NRP2: variants seen among roughly 807,000 people sequenced by gnomAD.
The protein encoded by NRP2 is neuropilin 2, also known as neuropilin-2.
Under a neutral mutation model 110.4 loss-of-function variants are expected in NRP2, and 52 were observed. That is an observed-to-expected ratio of 0.47 (90% CI 0.38 to 0.59). NRP2 has a LOEUF of 0.59. Ranked by LOEUF, NRP2 falls within the 20% of genes least tolerant of loss-of-function variation. The pLI is 0.00. For missense variants in NRP2, 1,049 were observed against 1,203.0 expected (o/e 0.87, Z 1.89); for synonymous variants, 508 against 468.9 (o/e 1.08, Z -1.08).
At chr2:205,773,490 A>G (rs1575664136) in intron 15 of NRP2, among the ~76,000 whole-genome samples, 1 of 152,252 alleles carries the variant, frequency 6.6e-6, no homozygotes, top group Non-Finnish European at 1.5e-5. Context: ...CATGTTGATA[A>G]TTTCAGGGGA....
At chr2:205,780,268 A>C (rs1448123339) in intron 15 of NRP2, among the ~76,000 whole-genome samples, 1 of 152,240 alleles carries the variant, frequency 6.6e-6, no homozygotes, top group Non-Finnish European at 1.5e-5. Context: ...TCATTTTTGA[A>C]CAGGTAATGA....
chr2:205,730,311 C>A (rs1370739071), intron 7 of NRP2, among the ~76,000 whole-genome samples: 1 of 151,732 alleles, frequency 6.6e-6, no homozygotes, highest in Non-Finnish European at 1.5e-5. Flanking sequence ...GTGAACCGTG[C>A]CAAATAGATT....
At chr2:205,737,287 G>T (rs775226087) in intron 7 of NRP2, among the ~76,000 whole-genome samples, 7 of 152,214 alleles carry the variant, frequency 4.6e-5, no homozygotes, top group Non-Finnish European at 1.0e-4. Flanking sequence ...GGTAACTAAA[G>T]TGCCCTGTTG....
Position 205,795,119 on chromosome 2 carries a change from C to A in NRP2, c.*61C>A, listed in dbSNP as rs138943825. On this transcript the variant is annotated 3_prime_UTR_variant, in exon 17 of 17. Coordinates refer to ENST00000357785, the MANE Select transcript of NRP2 (RefSeq NM_003872.3). ...CAGCAAGAGGGGCTGGGGAAGATTA[C>A]ATTTTTTTTTCCTTTGGAAACTGAA... The A allele has an allele frequency of 6.7e-6, 10 of 1,488,466 alleles. No individual in the cohort carries two copies. The East Asian group carries it at 1.9e-4, about 28-fold the overall frequency. The allele number at this position is 1,488,466 out of a possible 1,614,324, so 92.2% of individuals were successfully genotyped here.
chr2:205,741,167 A>C (rs1394338225), intron 8 of NRP2, among the ~76,000 whole-genome samples: 1 of 152,260 alleles, frequency 6.6e-6, no homozygotes, highest in Non-Finnish European at 1.5e-5. Context: ...CTGTGTGGGC[A>C]TATGGACAAG....
At chr2:205,739,671 T>A (rs1371216043) in intron 7 of NRP2, among the ~76,000 whole-genome samples, 2 of 149,590 alleles carry the variant, frequency 1.3e-5, no homozygotes, top group African/African-American at 4.9e-5. Context: ...ACATATACTT[T>A]GCTCTAGTTA....
intron 11 of NRP2, chr2:205,752,399 A>G (rs940405754): frequency 1.8e-5 from 5 of 280,956 alleles, no homozygotes; most frequent in African/African-American, 1.1e-4. Context: ...CTGGATGCTA[A>G]TGGGCTGCCC....
chr2:205,736,152 G>A (rs994138817), intron 7 of NRP2, among the ~76,000 whole-genome samples: 12 of 152,046 alleles, frequency 7.9e-5, no homozygotes, highest in African/African-American at 2.9e-4. Context: ...GACCAGCCTG[G>A]CCAACGTGGT....
chr2:205,792,476 A>G (rs576606858), intron 16 of NRP2, among the ~76,000 whole-genome samples, 191 bp downstream of exon 16: 1 of 152,338 alleles, frequency 6.6e-6, no homozygotes, highest in Non-Finnish European at 1.5e-5. Flanking sequence ...AGGTTTAGAA[A>G]GTTTATTGAG....
At chr2:205,728,791 A>C (rs1458969689) in intron 7 of NRP2, among the ~76,000 whole-genome samples, 1 of 152,232 alleles carries the variant, frequency 6.6e-6, no homozygotes, top group Non-Finnish European at 1.5e-5. Context: ...GGCTTATTGC[A>C]AACAGCCAGG....
chr2:205,727,796 G>A (rs745688086), intron 6 of NRP2, 95 bp from the exon 7 acceptor site: 238 of 1,290,472 alleles, frequency 1.8e-4, no homozygotes, highest in Non-Finnish European at 2.3e-4. Context: ...ATACAGGTTG[G>A]AAGCAAAGTC....
intron 16 of NRP2, 76 bp downstream of exon 16, chr2:205,792,361 C>G (rs2058310655): frequency 9.3e-7 from 1 of 1,079,344 alleles, no homozygotes; most frequent in Admixed American, 1.7e-5. Flanking sequence ...AAATAATGCT[C>G]TGGGTATCGG....
chr2:205,713,174 T>A (rs921006238), intron 2 of NRP2, among the ~76,000 whole-genome samples: 1 of 152,114 alleles, frequency 6.6e-6, no homozygotes, highest in African/African-American at 2.4e-5. Context: ...ACTCCATGGG[T>A]GATTAGGCAA....
In NRP2 at chr2:205,686,154, C is replaced by A. The variant is rs1205260287; in HGVS notation, c.73+2791C>A. On this transcript the variant is annotated intron_variant, in intron 1 of 16. Transcript: ENST00000357785. The surrounding 1 kb of genome is among the most constrained non-coding windows in gnomAD (Gnocchi z 4.7). ...TTCTATTAAGCAAAAATATTCCCAGCGAAAGCAAAACCGAGGCTGAAGCCT... is the reference window on the plus strand; with the variant it reads ...TTCTATTAAGCAAAAATATTCCCAGAGAAAGCAAAACCGAGGCTGAAGCCT... Among the ~76,000 whole-genome samples the A allele has an allele frequency of 1.3e-5, 2 of 152,144 alleles. No individual in the cohort carries two copies. Among genetic ancestry groups the A allele is most frequent in the Non-Finnish European group, 2.9e-5 (2 of 68,022 alleles).
intron 9 of NRP2, among the ~76,000 whole-genome samples, chr2:205,745,158 T>C (rs2057514786): frequency 6.6e-6 from 1 of 152,128 alleles, no homozygotes; most frequent in African/African-American, 2.4e-5. Flanking sequence ...CCATGTGAGG[T>C]TTCTTTTGAC....
Position 205,688,803 on chromosome 2 carries a change from G to A in NRP2, c.73+5440G>A, listed in dbSNP as rs115438082. Among the ~76,000 whole-genome samples the A allele has an allele frequency of 2.5e-3, 376 of 152,102 alleles. 2 individuals carry two copies. Among genetic ancestry groups the A allele is most frequent in the African/African-American group, 8.5e-3 (351 of 41,470 alleles). ...GTGGCATTTAGGATAGAGAAGAGTA[G>A]GATTGAGAAGAAAGGAGAGAAATAG... On this transcript the variant is annotated intron_variant, in intron 1 of 16. Transcript: ENST00000357785.
chr2:205,710,910 C>T (rs538285691), intron 2 of NRP2, among the ~76,000 whole-genome samples: 8 of 152,340 alleles, frequency 5.3e-5, no homozygotes, highest in South Asian at 2.1e-4. Context: ...AATCTCAAAT[C>T]ACTTTGACAG....
At chr2:205,790,846 G>A (rs974897789) in intron 15 of NRP2, among the ~76,000 whole-genome samples, 1 of 152,182 alleles carries the variant, frequency 6.6e-6, no homozygotes, top group Non-Finnish European at 1.5e-5. Context: ...GTGGCCTGCA[G>A]GTGCCACTTG....
chr2:205,698,219 G>T (rs1460112012), intron 2 of NRP2, among the ~76,000 whole-genome samples: 1 of 146,966 alleles, frequency 6.8e-6, no homozygotes. Context: ...AAAAAAAAAG[G>T]GTAAAAAAAA....
Sources: allele counts gnomAD v4.1 joint callset (sites outside exome capture counted in the v4.1 genomes callset), GRCh38; gene constraint gnomAD v4.1.1; non-coding constraint Gnocchi (gnomAD v3.1); transcripts MANE v1.5; gene names NCBI Gene and HGNC (gene_info 2026-07-23, HGNC 2026-07-21).